The following NCKAP5 variants were observed in gnomAD, a reference collection of about 807,000 sequenced individuals.
NCKAP5 encodes NCK associated protein 5.
In NCKAP5, 92 loss-of-function variants were observed where a neutral mutation model predicts 167.0. The observed-to-expected ratio is 0.55, with a 90% CI of 0.47 to 0.66. The LOEUF (loss-of-function observed/expected upper bound fraction) is 0.66, where lower values mean the gene tolerates loss of function less well. Ranked by LOEUF, NCKAP5 falls within the 30% of genes least tolerant of loss-of-function variation. NCKAP5 has a pLI of 0.00. For missense variants in NCKAP5, 2,378 were observed against 2,315.0 expected, an observed-to-expected ratio of 1.03 and a Z score of -0.56; for synonymous variants, 891 against 877.4, an observed-to-expected ratio of 1.02 and a Z score of -0.27.
intron 5 of NCKAP5, among the ~76,000 whole-genome samples, chr2:133,144,966 T>C (rs1345409915): frequency 6.6e-6 from 1 of 152,142 alleles, no homozygotes; most frequent in Non-Finnish European, 1.5e-5. Flanking sequence ...TGAATACTGG[T>C]CATAATATAC....
intron 7 of NCKAP5, among the ~76,000 whole-genome samples, chr2:132,989,184 A>G (rs1378969941): frequency 6.6e-6 from 1 of 152,222 alleles, no homozygotes; most frequent in Non-Finnish European, 1.5e-5. Flanking sequence ...GATTATTTGC[A>G]TCTTACTCAG....
In NCKAP5 at chr2:132,895,175, C is replaced by CA. The variant is rs771335652; in HGVS notation, c.580-16260dup. Among the ~76,000 whole-genome samples, 1,243 of 151,650 alleles carry CA rather than the reference C, an allele frequency of 8.2e-3. 14 individuals are homozygous for CA. The highest frequency in any genetic ancestry group is 0.014 in the Middle Eastern group (4 of 292). ...TGAAACCCCGTCTCTACTAAAAATACAAAAAATTAGCCGGGCGTGGTGGCG... is the reference window on the plus strand; with the variant it reads ...TGAAACCCCGTCTCTACTAAAAATACAAAAAAATTAGCCGGGCGTGGTGGCG... On this transcript the variant is annotated intron_variant, in intron 8 of 19. Transcript: ENST00000409261.
chr2:133,526,662 C>T (rs1684951210), intron 2 of NCKAP5, among the ~76,000 whole-genome samples: 1 of 152,078 alleles, frequency 6.6e-6, no homozygotes, highest in African/African-American at 2.4e-5. Context: ...ACCATCTGTT[C>T]CTTCTCTCCC....
At chr2:133,292,305 TAA>T (rs35929972) in intron 4 of NCKAP5, among the ~76,000 whole-genome samples, 7 of 144,002 alleles carry the variant, frequency 4.9e-5, no homozygotes, top group Non-Finnish European at 6.1e-5. Context: ...CTTCTAGATT[TAA>T]AAAAAAAAAA....
At chr2:133,579,467 CTCTGGCAGAGACTTTGATTT>C in the NCKAP5 span, among the ~76,000 whole-genome samples, 1 of 152,162 alleles carries the variant, frequency 6.6e-6, no homozygotes, top group Non-Finnish European at 1.5e-5. Context: ...GACTTTGATT[CTCTGGCAGAGACTTTGATTT>C]TCTGGCTGGA....
intron 6 of NCKAP5, among the ~76,000 whole-genome samples, chr2:133,115,463 T>C (rs996359821): frequency 6.6e-6 from 1 of 152,118 alleles, no homozygotes. Context: ...TCAATCACAA[T>C]TGCAGTTAGA....
chr2:132,696,885 T>G (rs997823901), intron 19 of NCKAP5, among the ~76,000 whole-genome samples: 1 of 152,152 alleles, frequency 6.6e-6, no homozygotes, highest in Non-Finnish European at 1.5e-5. Context: ...CTTCTTATTC[T>G]TCTTTTTTAT....
intron 5 of NCKAP5, among the ~76,000 whole-genome samples, chr2:133,174,072 T>C (rs1363196746): frequency 1.3e-5 from 2 of 152,194 alleles, no homozygotes; most frequent in Admixed American, 1.3e-4. Context: ...TCTCCTAATA[T>C]TCTATCTCTG....
At chr2:133,278,285 T>C (rs1446180163) in intron 4 of NCKAP5, among the ~76,000 whole-genome samples, 2 of 152,240 alleles carry the variant, frequency 1.3e-5, no homozygotes, top group African/African-American at 4.8e-5. Flanking sequence ...TGATGTAAAC[T>C]GAAGATGTCA....
At chr2:133,533,740 CATTAAA>C (rs1374957119) in intron 2 of NCKAP5, among the ~76,000 whole-genome samples, 1 of 151,956 alleles carries the variant, frequency 6.6e-6, no homozygotes, top group Non-Finnish European at 1.5e-5. Context: ...TTTCTTCTTA[CATTAAA>C]ATTAAAATTA....
intron 3 of NCKAP5, chr2:133,433,833 C>A (rs1047338577): frequency 6.6e-6 from 1 of 152,070 alleles, no homozygotes; most frequent in Admixed American, 6.6e-5. Context: ...TCTCAGGAAC[C>A]CAAGTCTTAA....
intron 11 of NCKAP5, among the ~76,000 whole-genome samples, chr2:132,805,638 T>C (rs1027839851): frequency 4.9e-5 from 7 of 143,634 alleles, no homozygotes; most frequent in African/African-American, 1.8e-4. Context: ...AATTTGGACC[T>C]AACTGAAAAA....
intron 7 of NCKAP5, among the ~76,000 whole-genome samples, chr2:132,988,974 GT>G (rs1454905203): frequency 1.3e-5 from 2 of 152,202 alleles, no homozygotes; most frequent in African/African-American, 4.8e-5. Context: ...TGTATCCATA[GT>G]TGGGTCCTTT....
the NCKAP5 span, among the ~76,000 whole-genome samples, chr2:133,640,949 A>G: frequency 7.3e-3 from 1,114 of 152,286 alleles, 15 homozygotes; most frequent in African/African-American, 0.025. Context: ...TTTACCCCAT[A>G]TGCAAATAAC....
chr2:132,735,473 C>T (rs1443000872), intron 16 of NCKAP5, among the ~76,000 whole-genome samples: 1 of 152,170 alleles, frequency 6.6e-6, no homozygotes, highest in Non-Finnish European at 1.5e-5. Flanking sequence ...CTTCCTGAGG[C>T]CCTCACCAGC....
chr2:132,687,755 A>ACACACACAC (rs138845809), intron 19 of NCKAP5, among the ~76,000 whole-genome samples: 2 of 142,216 alleles, frequency 1.4e-5, no homozygotes, highest in African/African-American at 5.3e-5. Flanking sequence ...ACACACACAC[A>ACACACACAC]CCCTTCCTCT....
intron 3 of NCKAP5, among the ~76,000 whole-genome samples, chr2:133,499,874 G>T (rs1682338257): frequency 6.6e-6 from 1 of 152,118 alleles, no homozygotes; most frequent in Admixed American, 6.5e-5. Context: ...TTCTCATTTT[G>T]CAAATTCTTT....
chr2:132,749,524 C>T (rs1358951567), intron 16 of NCKAP5, among the ~76,000 whole-genome samples: 1 of 152,158 alleles, frequency 6.6e-6, no homozygotes, highest in Non-Finnish European at 1.5e-5. Context: ...AGAAAATCTC[C>T]AGTTGAAAAA....
intron 2 of NCKAP5, among the ~76,000 whole-genome samples, chr2:133,525,073 G>A (rs1414941095): frequency 1.3e-5 from 2 of 152,152 alleles, no homozygotes; most frequent in Non-Finnish European, 2.9e-5. Context: ...ATAAAAACAT[G>A]CCAAATGATG....
Sources: allele counts gnomAD v4.1 joint callset (sites outside exome capture counted in the v4.1 genomes callset), GRCh38; gene constraint gnomAD v4.1.1; transcripts MANE v1.5; gene names NCBI Gene and HGNC (gene_info 2026-07-23, HGNC 2026-07-21).